ATP7A: variants seen among roughly 807,000 people sequenced by gnomAD.
ATP7A encodes the protein copper-transporting ATPase 1.
A neutral mutation model predicts 83.5 loss-of-function variants in ATP7A; 7 were observed. The ratio of observed to expected loss-of-function variants is 0.08; its 90% CI spans 0.05 to 0.16. The LOEUF is 0.16. Ranked by LOEUF, ATP7A falls within the 10% of genes least tolerant of loss-of-function variation. The probability of loss-of-function intolerance (pLI) is 1.00; values close to 1 mark genes in which losing one functional copy is unlikely to be tolerated. For missense variants in ATP7A, 940 were observed against 1,120.8 expected, an observed-to-expected ratio of 0.84 and a Z score of 2.30; for synonymous variants, 354 against 395.2, an observed-to-expected ratio of 0.90 and a Z score of 1.24.
intron 1 of ATP7A, chrX:77,963,724 C>T (rs1187919331): frequency 9.0e-6 from 1 of 111,436 alleles, no homozygotes; most frequent in Non-Finnish European, 1.9e-5. Context: ...CTCAGCCTCC[C>T]TAGTAGCTGG....
At chrX:77,922,154 T>C (rs1358950668) in intron 1 of ATP7A, among the ~76,000 whole-genome samples, 1 of 110,830 alleles carries the variant, frequency 9.0e-6, no homozygotes, top group African/African-American at 3.3e-5. Context: ...GTTTATTATA[T>C]AGTGTTAAAT....
intron 21 of ATP7A, 55 bp downstream of exon 21, chrX:78,043,489 C>A: frequency 1.1e-6 from 1 of 948,961 alleles, no homozygotes; most frequent in Non-Finnish European, 1.5e-6. Context: ...AGAGACCTAA[C>A]ATATTGGAAG....
intron 1 of ATP7A, chrX:77,924,673 T>G (rs1378761500): frequency 9.0e-6 from 1 of 111,305 alleles, no homozygotes; most frequent in Non-Finnish European, 1.9e-5. Context: ...GTTACCAGAG[T>G]TTCACCTTTA....
chrX:77,953,958 G>A (rs1300127743), intron 1 of ATP7A, among the ~76,000 whole-genome samples: 1 of 111,967 alleles, frequency 8.9e-6, no homozygotes, highest in Non-Finnish European at 1.9e-5. Context: ...TGAAGCATCT[G>A]TATTGTTATC....
At chrX:78,019,660 A>G (rs947251376) in intron 12 of ATP7A, among the ~76,000 whole-genome samples, 6 of 110,199 alleles carry the variant, frequency 5.4e-5, no homozygotes, top group African/African-American at 2.0e-4. Context: ...GTAGAGATCG[A>G]GTTTTGCCAT....
chrX:78,027,782 C>T (rs2077955316), intron 14 of ATP7A, among the ~76,000 whole-genome samples: 1 of 110,963 alleles, frequency 9.0e-6, no homozygotes, highest in Non-Finnish European at 1.9e-5. Context: ...AGAAATAAAA[C>T]CACACACCTA....
chrX:77,913,197 A>T (rs1355258097), intron 1 of ATP7A, among the ~76,000 whole-genome samples: 1 of 112,277 alleles, frequency 8.9e-6, no homozygotes, highest in African/African-American at 3.2e-5. Context: ...TGATGAGTGA[A>T]AATAATCTTC....
chrX:77,933,835 T>G (rs1557224803), intron 1 of ATP7A, among the ~76,000 whole-genome samples: 1 of 111,723 alleles, frequency 9.0e-6, no homozygotes, highest in Non-Finnish European at 1.9e-5. Context: ...TTGCACTTAT[T>G]CACATAACTG....
chrX:78,029,521 C>T, intron 15 of ATP7A, 77 bp downstream of exon 15: 2 of 985,702 alleles, frequency 2.0e-6, no homozygotes, highest in South Asian at 2.0e-5. Context: ...AACACATACT[C>T]CTAAATTATT....
At position 77,960,506 on chromosome X, in the gene ATP7A, A is replaced by G. The variant is rs1252400363; in HGVS notation, c.-21-11115A>G. On this transcript the variant is annotated intron_variant, in intron 1 of 22. Transcript: ENST00000341514. ...CCAAATTATAAGTGCTGATTATTTT[A>G]GGGGAATTTTAGAATGATGTTTGAG... is the stretch of plus-strand genomic sequence containing the variant. 5.3e-5 allele frequency among the ~76,000 whole-genome samples: 6 copies of G among 112,803 alleles called. No homozygotes were observed. In the Admixed American group the frequency reaches 5.6e-4, roughly 11 times the overall value.
intron 14 of ATP7A, among the ~76,000 whole-genome samples, chrX:78,026,732 G>A (rs2077946239): frequency 9.0e-6 from 1 of 111,694 alleles, no homozygotes; most frequent in Non-Finnish European, 1.9e-5. Context: ...ATCAGATCAA[G>A]CGTCTTCCTA....
chrX:78,032,077 A>C (rs1308303542), intron 16 of ATP7A, among the ~76,000 whole-genome samples: 1 of 112,359 alleles, frequency 8.9e-6, no homozygotes, highest in Non-Finnish European at 1.9e-5. Context: ...AACCGTTTTT[A>C]ATGCATATAG....
rs1557231650 is a variant in ATP7A at position 77,988,652 on chromosome X, G to A, written c.531G>A (p.Val177=). The change falls in exon 3 of 23, where the codon GTG becomes GTA. Residue 177 remains valine (V), a synonymous_variant. Transcript: ENST00000341514. ...GTGAAGTCGTGCTGAAGATGAAAGT[G>A]GAAGGGATGACCTGCCATTCATGTA... ...QAGEVVLKMK[V]EGMTCHSCTS... 2.5e-6 allele frequency: 3 copies of A among 1,211,420 alleles called. No individual in the cohort carries two copies. The highest frequency in any genetic ancestry group is 3.4e-6 in the Non-Finnish European group (3 of 895,289).
chrX:78,026,936 G>A lies in ATP7A; in HGVS notation c.2917-2314G>A, dbSNP rs180761895. 1.6e-3 allele frequency among the ~76,000 whole-genome samples: 183 copies of A among 111,315 alleles called. 1 individual carries two copies. Among genetic ancestry groups the A allele is most frequent in the Middle Eastern group, 9.2e-3 (2 of 217 alleles). The stretch of plus-strand genomic sequence containing the variant: ...GGCCGAGGCGGGTGGATCCCCTGAG[G>A]TTGGGAGTTCAAGACCAGCCTGGCC... On this transcript the variant is annotated intron_variant, in intron 14 of 22. Coordinates refer to ENST00000341514, the MANE Select transcript of ATP7A (RefSeq NM_000052.7).
rs1408200723 is a variant in ATP7A at position 77,910,696 on chromosome X, A to AGTT, written c.-156_-154dup. The AGTT allele has an allele frequency of 9.0e-6, 1 of 111,462 alleles. No individual in the cohort carries two copies. The highest frequency in any genetic ancestry group is 1.9e-5 in the Non-Finnish European group (1 of 53,011). 9.2% of individuals were successfully genotyped at this position (111,462 alleles called of 1,213,427 possible). ...GTGGGAAAAGAGAAGCAGAGGGAGG[A>AGTT]GTTGTTGCTGCCGCCGCCGCAGCCG... On this transcript the variant is annotated 5_prime_UTR_variant, in exon 1 of 23. Coordinates refer to ENST00000341514, the MANE Select transcript of ATP7A (RefSeq NM_000052.7).
intron 1 of ATP7A, among the ~76,000 whole-genome samples, chrX:77,937,573 G>T (rs1277914627): frequency 1.8e-5 from 2 of 111,597 alleles, no homozygotes; most frequent in Non-Finnish European, 3.8e-5. Context: ...TCTTTCAACT[G>T]GTGAAAAAGA....
At chrX:77,984,137 G>T (rs1230782501) in intron 2 of ATP7A, among the ~76,000 whole-genome samples, 1 of 111,176 alleles carries the variant, frequency 9.0e-6, no homozygotes, top group Non-Finnish European at 1.9e-5. Flanking sequence ...GAGAAGGGAA[G>T]TTATTTTTGG....
In ATP7A at chrX:77,989,501, A is replaced by G; in HGVS notation, c.879A>G (p.Ser293=). The G allele has an allele frequency of 8.3e-7, 1 of 1,211,813 alleles. No individual in the cohort carries two copies. Among genetic ancestry groups the G allele is most frequent in the Non-Finnish European group, 1.1e-6 (1 of 895,345 alleles). ...GCATGCATTGTAAATCATGTGTGTC[A>G]AATATTGAAAGTACTTTATCTGCAC... The part of the protein sequence containing the change: ...IDGMHCKSCV[S]NIESTLSALQ... The change falls in exon 4 of 23, where the codon TCA becomes TCG. Residue 293 remains serine (S), a synonymous_variant. Transcript: ENST00000341514.
chrX:77,912,976 A>T lies in ATP7A; in HGVS notation c.-22+2141A>T, dbSNP rs782729020. 6.2e-5 allele frequency among the ~76,000 whole-genome samples: 7 copies of T among 112,159 alleles called. No individual in the cohort carries two copies. The South Asian group carries it at 2.6e-3, about 41-fold the overall frequency. On this transcript the variant is annotated intron_variant, in intron 1 of 22. Coordinates refer to ENST00000341514, the MANE Select transcript of ATP7A (RefSeq NM_000052.7). Reference sequence around the variant, plus strand: ...GCAGAAGGTTGATTTTCTTTGAAAAATGCTTGCAGAAGCAGTAAAATTTGC... The same window carrying T: ...GCAGAAGGTTGATTTTCTTTGAAAATTGCTTGCAGAAGCAGTAAAATTTGC...
Sources: allele counts gnomAD v4.1 joint callset (sites outside exome capture counted in the v4.1 genomes callset), GRCh38; gene constraint gnomAD v4.1.1; transcripts MANE v1.5; gene names NCBI Gene and HGNC (gene_info 2026-07-23, HGNC 2026-07-21).